The following ABCC9 variants were observed in gnomAD, a reference collection of about 807,000 sequenced individuals.
ABCC9 encodes ATP-binding cassette sub-family C member 9.
ABCC9 carries 95 observed loss-of-function variants against 188.3 expected under a neutral mutation model. The ratio of observed to expected loss-of-function variants is 0.50; its 90% CI spans 0.43 to 0.60. The LOEUF is 0.60. ABCC9 is among the 20% of genes least tolerant of loss of function. The pLI is 0.00. For missense variants in ABCC9, 1,102 were observed against 1,876.3 expected, an observed-to-expected ratio of 0.59 and a Z score of 7.62; for synonymous variants, 659 against 652.7, an observed-to-expected ratio of 1.01 and a Z score of -0.15.
intron 18 of ABCC9, among the ~76,000 whole-genome samples, chr12:21,869,347 C>T (rs538614283): frequency 5.9e-5 from 9 of 152,328 alleles, no homozygotes; most frequent in African/African-American, 1.9e-4. Flanking sequence ...AAACTACCTT[C>T]ATCTCTCATC....
intron 15 of ABCC9, among the ~76,000 whole-genome samples, chr12:21,885,003 A>G (rs545781652): frequency 1.3e-5 from 2 of 152,300 alleles, no homozygotes; most frequent in Admixed American, 1.3e-4. Context: ...CCACAGGTCC[A>G]AAAGAAATGA....
Position 21,799,259 on chromosome 12 carries a change from TAAAAAA to T in ABCC9, c.*1779_*1784del, listed in dbSNP as rs536748638. 8 of 118,486 alleles carry T rather than the reference TAAAAAA, an allele frequency of 6.8e-5. No homozygotes were observed. The highest frequency in any genetic ancestry group is 2.5e-4 in the African/African-American group (8 of 31,936). The allele number at this position is 118,486 out of a possible 1,614,324, so 7.3% of individuals were successfully genotyped here. A position where few individuals can be genotyped will look rare whatever the true frequency, so the allele number is the denominator to read the frequency against. On this transcript the variant is annotated 3_prime_UTR_variant, in exon 40 of 40. Transcript: ENST00000261200. The stretch of plus-strand genomic sequence containing the variant: ...ACTTAAAGTATATTAAAAAAAAAAT[TAAAAAA>T]AAAAAAGAAAAAAAAAAGATTACTT...
chr12:21,801,456 G>A (rs1419138306), intron 39 of ABCC9, among the ~76,000 whole-genome samples: 7 of 152,130 alleles, frequency 4.6e-5, no homozygotes. Context: ...GAAACCTTAA[G>A]TTTAAGTAGG....
At chr12:21,868,688 A>G (rs1246037131) in intron 18 of ABCC9, among the ~76,000 whole-genome samples, 1 of 152,216 alleles carries the variant, frequency 6.6e-6, no homozygotes, top group Non-Finnish European at 1.5e-5. Flanking sequence ...TGTAATGGTG[A>G]AAGAATGATA....
chr12:21,895,497 AG>A (rs1200051356), intron 12 of ABCC9, among the ~76,000 whole-genome samples, 182 bp from the exon 13 acceptor site: 1 of 152,184 alleles, frequency 6.6e-6, no homozygotes, highest in Non-Finnish European at 1.5e-5. Flanking sequence ...CAGTTTTATG[AG>A]TTCCCATACA....
intron 15 of ABCC9, among the ~76,000 whole-genome samples, chr12:21,884,796 G>A (rs1412070407): frequency 1.3e-5 from 2 of 151,714 alleles, no homozygotes; most frequent in Admixed American, 1.3e-4. Flanking sequence ...GAGGAGGAGA[G>A]TATGTTCATG....
intron 16 of ABCC9, among the ~76,000 whole-genome samples, chr12:21,881,585 A>G (rs966841073): frequency 6.6e-6 from 1 of 152,132 alleles, no homozygotes; most frequent in African/African-American, 2.4e-5. Context: ...CCAATACATT[A>G]GTTGTTATCT....
At chr12:21,852,320 A>G (rs769901887) in intron 23 of ABCC9, 48 bp downstream of exon 23, 52 of 1,612,504 alleles carry the variant, frequency 3.2e-5, no homozygotes, top group Non-Finnish European at 4.2e-5. Context: ...GTCTCTATTT[A>G]TATGACTATA....
At position 21,894,051 on chromosome 12, in the gene ABCC9, C is replaced by A. The variant is rs1256751065; in HGVS notation, c.1783G>T (p.Ala595Ser). The change falls in exon 14 of 40, where the codon GCA (alanine) becomes TCA (serine). Residue 595 changes from alanine to serine, a missense_variant. Physicochemically the swap from Ala to Ser is moderately conservative, Grantham distance 99 (BLOSUM62 1). This residue lies in a region of ABCC9 where 258 missense variants were observed against 325.6 expected (regional missense o/e 0.79). Transcript: ENST00000261200. ...GCATACCTTATGATGGCTTTGACTG[C>A]AAATCTGACCACCGTGGAGAGCAGG... ...LFLLSTVVRF[A>S]VKAIISVQKL... The A allele has an allele frequency of 1.2e-6, 2 of 1,613,916 alleles. No individual in the cohort carries two copies. Among genetic ancestry groups the A allele is most frequent in the Non-Finnish European group, 1.7e-6 (2 of 1,180,002 alleles).
At chr12:21,820,307 G>A (rs1942963609) in intron 31 of ABCC9, among the ~76,000 whole-genome samples, 1 of 151,914 alleles carries the variant, frequency 6.6e-6, no homozygotes, top group African/African-American at 2.4e-5. Context: ...TATATGTTAA[G>A]AGTTTGAGGC....
chr12:21,873,565 A>G (rs1043928573), intron 17 of ABCC9, among the ~76,000 whole-genome samples: 1 of 152,212 alleles, frequency 6.6e-6, no homozygotes, highest in Non-Finnish European at 1.5e-5. Context: ...AGAAAAATCA[A>G]TTCCAAAATT....
chr12:21,917,347 G>A (rs1037720990), intron 5 of ABCC9, among the ~76,000 whole-genome samples: 2 of 152,206 alleles, frequency 1.3e-5, no homozygotes, highest in Non-Finnish European at 2.9e-5. Flanking sequence ...ATGGGAGGAT[G>A]TAAAGAGATA....
chr12:21,929,988 C>T (rs1949212679), intron 4 of ABCC9, among the ~76,000 whole-genome samples: 2 of 133,306 alleles, frequency 1.5e-5, no homozygotes, highest in South Asian at 5.7e-4. Flanking sequence ...CCCCCCTCCC[C>T]CTACCTCATG....
intron 15 of ABCC9, among the ~76,000 whole-genome samples, chr12:21,883,725 A>ATT (rs3062606): frequency 0.99 from 149,892 of 151,226 alleles, 74,285 homozygotes; most frequent in Middle Eastern, 1. Flanking sequence ...AAAGATCTAG[A>ATT]TTTTTTTTTG....
intron 12 of ABCC9, among the ~76,000 whole-genome samples, chr12:21,896,198 C>A (rs1249081622): frequency 6.7e-6 from 1 of 149,222 alleles, no homozygotes; most frequent in African/African-American, 2.5e-5. Context: ...TGGTGCGCTG[C>A]AATCTAATTT....
intron 12 of ABCC9, among the ~76,000 whole-genome samples, chr12:21,896,812 G>A (rs953803995): frequency 3.9e-5 from 6 of 152,112 alleles, no homozygotes; most frequent in Non-Finnish European, 8.8e-5. Flanking sequence ...TCTTTATCCA[G>A]TCTATCACTG....
At chr12:21,802,965 G>T (rs1283722914) in intron 39 of ABCC9, among the ~76,000 whole-genome samples, 1 of 152,014 alleles carries the variant, frequency 6.6e-6, no homozygotes, top group Non-Finnish European at 1.5e-5. Flanking sequence ...TGCCAGCTTA[G>T]AACATGTGCC....
intron 18 of ABCC9, 38 bp downstream of exon 18, chr12:21,872,587 A>G (rs755737762): frequency 4.2e-6 from 6 of 1,423,004 alleles, no homozygotes; most frequent in Non-Finnish European, 6.0e-6. Context: ...TATCAGATGT[A>G]TGACATAGCA....
At chr12:21,851,093 T>C (rs1259872155) in intron 24 of ABCC9, among the ~76,000 whole-genome samples, 3 of 152,092 alleles carry the variant, frequency 2.0e-5, no homozygotes, top group Non-Finnish European at 2.9e-5. Context: ...TCTAAAATAA[T>C]ATATTTAAAT....
Sources: gnomAD v4.1 joint callset for allele counts (sites outside exome capture counted in the v4.1 genomes callset) on GRCh38, gnomAD v4.1.1 for gene constraint, gnomAD v4.1.1 regional missense constraint, MANE v1.5 for transcripts, NCBI Gene and HGNC (gene_info 2026-07-23, HGNC 2026-07-21) for gene names.